Variants in PLCB1 observed in about 807,000 individuals in gnomAD.
PLCB1 encodes phospholipase C beta 1, also known as 1-phosphatidylinositol 4,5-bisphosphate phosphodiesterase beta-1.
PLCB1 carries 46 observed loss-of-function variants against 161.8 expected under a neutral mutation model. The ratio of observed to expected loss-of-function variants is 0.28; its 90% CI spans 0.22 to 0.36. PLCB1 has a LOEUF of 0.36. PLCB1 is among the 10% of genes least tolerant of loss of function. The pLI, the probability that PLCB1 is intolerant of heterozygous loss-of-function variation, is 1.00. For missense variants in PLCB1, 1,016 were observed against 1,472.5 expected, an observed-to-expected ratio of 0.69 and a Z score of 5.07; for synonymous variants, 517 against 503.7, an observed-to-expected ratio of 1.03 and a Z score of -0.35.
rs371472029 is a variant in PLCB1 at position 8,432,203 on chromosome 20, C to A, written c.246+60753C>A. Among the ~76,000 whole-genome samples, 232 of 152,276 alleles carry A rather than the reference C, an allele frequency of 1.5e-3. 8 individuals carry two copies. In the South Asian group the frequency reaches 0.045, roughly 30 times the overall value. On this transcript the variant is annotated intron_variant, in intron 3 of 31. Transcript: ENST00000338037. ...GGTGAAAGAGGGAAACAGGGACGCT[C>A]CGCAAGGCCAGAATCCCTGCTACAG...
chr20:8,258,417 A>G (rs1981531006), intron 2 of PLCB1, among the ~76,000 whole-genome samples: 1 of 152,082 alleles, frequency 6.6e-6, no homozygotes, highest in Non-Finnish European at 1.5e-5. Context: ...CTTCTTAGAT[A>G]CTCTTGATTT....
chr20:8,658,530 G>T lies in PLCB1; in HGVS notation c.696-8G>T. On this transcript the variant is annotated splice_polypyrimidine_tract_variant and splice_region_variant and intron_variant, in intron 8 of 31. Transcript: ENST00000338037. ...AATTCTTATTGCTTGGTTTTTCATTGTTTTTAGTGGTGCAAAAAGCAAACC... is the reference window on the plus strand; with the variant it reads ...AATTCTTATTGCTTGGTTTTTCATTTTTTTTAGTGGTGCAAAAAGCAAACC... 2 of 1,579,122 alleles carry T rather than the reference G, an allele frequency of 1.3e-6. No homozygotes were observed. The highest frequency in any genetic ancestry group is 1.7e-6 in the Non-Finnish European group (2 of 1,166,442).
At chr20:8,630,116 G>A (rs965247663) in intron 4 of PLCB1, among the ~76,000 whole-genome samples, 10 of 132,624 alleles carry the variant, frequency 7.5e-5, no homozygotes, top group Admixed American at 3.4e-4. Flanking sequence ...TCACTCTGTC[G>A]CCAGGTTGGA....
intron 2 of PLCB1, among the ~76,000 whole-genome samples, chr20:8,256,563 A>T (rs1981428941): frequency 6.6e-6 from 1 of 152,152 alleles, no homozygotes; most frequent in South Asian, 2.1e-4. Flanking sequence ...AGGAGGTCAC[A>T]GGCCAGCCCA....
At chr20:8,435,700 C>G (rs893748406) in intron 3 of PLCB1, among the ~76,000 whole-genome samples, 1 of 152,290 alleles carries the variant, frequency 6.6e-6, no homozygotes, top group Non-Finnish European at 1.5e-5. Flanking sequence ...CCCAATCAAG[C>G]CTCCAGACTT....
chr20:8,163,141 T>A (rs1161124482), intron 2 of PLCB1, among the ~76,000 whole-genome samples: 2 of 152,064 alleles, frequency 1.3e-5, no homozygotes, highest in African/African-American at 2.4e-5. Flanking sequence ...GGCAGGGCCA[T>A]GGGGAAGTGA....
At chr20:8,653,801 A>T (rs771162120) in intron 7 of PLCB1, among the ~76,000 whole-genome samples, 1 of 152,068 alleles carries the variant, frequency 6.6e-6, no homozygotes, top group African/African-American at 2.4e-5. Flanking sequence ...GTATAGAATT[A>T]AGCAACTCAG....
intron 10 of PLCB1, among the ~76,000 whole-genome samples, chr20:8,692,834 C>G (rs1990509744): frequency 6.6e-6 from 1 of 152,212 alleles, no homozygotes; most frequent in African/African-American, 2.4e-5. Context: ...GGTTCCCTGA[C>G]AGCCCCCCAC....
At chr20:8,668,492 T>C (rs566339328) in intron 9 of PLCB1, among the ~76,000 whole-genome samples, 38 of 152,282 alleles carry the variant, frequency 2.5e-4, no homozygotes, top group Non-Finnish European at 5.9e-5. Context: ...TTCTGAACAA[T>C]GTGGCTATAT....
chr20:8,883,104 A>AT lies in PLCB1; in HGVS notation c.*1258dup, dbSNP rs1394253137. 1 of 152,380 alleles carries AT rather than the reference A, an allele frequency of 6.6e-6. No homozygotes were observed. The highest frequency in any genetic ancestry group is 6.5e-5 in the Admixed American group (1 of 15,282). The allele number at this position is 152,380 out of a possible 1,614,324, so 9.4% of individuals were successfully genotyped here. ...CGAAGTAGATTTAGAACTTATATGA[A>AT]TTTGATTTATATTTTGCAAGATCAA... On this transcript the variant is annotated 3_prime_UTR_variant, in exon 32 of 32. Coordinates refer to ENST00000338037, the MANE Select transcript of PLCB1 (RefSeq NM_015192.4).
chr20:8,861,368 T>G (rs1010591796), intron 31 of PLCB1, among the ~76,000 whole-genome samples: 1 of 152,184 alleles, frequency 6.6e-6, no homozygotes, highest in African/African-American at 2.4e-5. Context: ...CATTAGTTGG[T>G]GAGTTCAGTC....
At chr20:8,526,924 GC>G (rs1772559502) in intron 3 of PLCB1, among the ~76,000 whole-genome samples, 1 of 144,184 alleles carries the variant, frequency 6.9e-6, no homozygotes, top group South Asian at 2.2e-4. Flanking sequence ...CTTGCCTCCA[GC>G]TTTTAATAAA....
At chr20:8,268,753 C>T (rs1321013943) in intron 2 of PLCB1, among the ~76,000 whole-genome samples, 1 of 152,148 alleles carries the variant, frequency 6.6e-6, no homozygotes, top group Non-Finnish European at 1.5e-5. Flanking sequence ...CTGTTGGCTG[C>T]ATAAATGTCT....
chr20:8,591,233 A>C (rs996038266), intron 3 of PLCB1, among the ~76,000 whole-genome samples: 2 of 152,126 alleles, frequency 1.3e-5, no homozygotes, highest in African/African-American at 4.8e-5. Flanking sequence ...TTCAACCTTA[A>C]TACTCACTTG....
intron 4 of PLCB1, among the ~76,000 whole-genome samples, chr20:8,640,199 T>C (rs1036477778): frequency 2.0e-5 from 3 of 152,258 alleles, no homozygotes; most frequent in Non-Finnish European, 2.9e-5. Flanking sequence ...AATGAGGAAC[T>C]ACCTGTGCCT....
intron 9 of PLCB1, among the ~76,000 whole-genome samples, chr20:8,680,054 C>G (rs140016626): frequency 2.3e-4 from 35 of 152,240 alleles, no homozygotes; most frequent in African/African-American, 7.9e-4. Flanking sequence ...TGACCACTGG[C>G]AAGAATGGAA....
At chr20:8,544,595 C>T (rs971837065) in intron 3 of PLCB1, among the ~76,000 whole-genome samples, 4 of 152,174 alleles carry the variant, frequency 2.6e-5, no homozygotes, top group African/African-American at 4.8e-5. Flanking sequence ...GAAGGCACTG[C>T]GTATGTGTAA....
At chr20:8,284,346 A>C (rs1376037456) in intron 2 of PLCB1, among the ~76,000 whole-genome samples, 3 of 152,150 alleles carry the variant, frequency 2.0e-5, no homozygotes, top group Non-Finnish European at 4.4e-5. Context: ...ATTGTATAGA[A>C]TTCATTAATC....
chr20:8,493,370 T>G (rs6055861), intron 3 of PLCB1, among the ~76,000 whole-genome samples: 4 of 152,062 alleles, frequency 2.6e-5, no homozygotes, highest in African/African-American at 9.7e-5. Flanking sequence ...GTTAAAATTT[T>G]TTGTGTAGGT....
Sources: allele counts gnomAD v4.1 joint callset (sites outside exome capture counted in the v4.1 genomes callset), GRCh38; gene constraint gnomAD v4.1.1; transcripts MANE v1.5; gene names NCBI Gene and HGNC (gene_info 2026-07-23, HGNC 2026-07-21).